SENP1: variants seen among roughly 807,000 people sequenced by gnomAD.
SENP1 encodes SUMO specific peptidase 1.
A neutral mutation model predicts 93.0 loss-of-function variants in SENP1; 21 were observed. That is an observed-to-expected ratio of 0.23 (90% CI 0.16 to 0.33). The LOEUF is 0.33. SENP1 is among the 10% of genes least tolerant of loss of function. The pLI, the probability that SENP1 is intolerant of heterozygous loss-of-function variation, is 1.00. For missense variants in SENP1, 591 were observed against 758.7 expected (o/e 0.78, Z 2.60); for synonymous variants, 256 against 259.6 (o/e 0.99, Z 0.13).
chr12:48,064,367 G>T lies in SENP1; in HGVS notation c.1276-526C>A, dbSNP rs893362204. 2.0e-5 allele frequency among the ~76,000 whole-genome samples: 3 copies of T among 152,020 alleles called. No individual in the cohort carries two copies. In the East Asian group the frequency reaches 5.8e-4, roughly 29 times the overall value. ...CAAAGAGAAGTATGGATAAAGAAACGGATTATCTAAAAATGTACACAGACC... is the reference window on the plus strand; with the variant it reads ...CAAAGAGAAGTATGGATAAAGAAACTGATTATCTAAAAATGTACACAGACC... On this transcript the variant is annotated intron_variant, in intron 12 of 17. Transcript: ENST00000549518.
At chr12:48,098,452 G>A (rs922549987) in intron 2 of SENP1, among the ~76,000 whole-genome samples, 1 of 151,736 alleles carries the variant, frequency 6.6e-6, no homozygotes, top group Non-Finnish European at 1.5e-5. Flanking sequence ...AGACCAGCCT[G>A]GCCAACATGG....
rs748659257 is a variant in SENP1, at chr12:48,066,908, G to T, written c.1034+19C>A. 2.0e-6 allele frequency: 3 copies of T among 1,534,250 alleles called. No homozygotes were observed. Among genetic ancestry groups the T allele is most frequent in the Admixed American group, 1.9e-5 (1 of 51,464 alleles). On this transcript the variant is annotated intron_variant, in intron 10 of 17. Coordinates refer to ENST00000549518, the MANE Select transcript of SENP1 (RefSeq NM_001267594.2). ...AATGAACTGATTGAGAAGGAAAAAT[G>T]ATACCAAAAATAACTTACAATTCTT...
At chr12:48,056,743 C>T (rs190468037) in intron 13 of SENP1, among the ~76,000 whole-genome samples, 1 of 58,356 alleles carries the variant, frequency 1.7e-5, no homozygotes, top group Admixed American at 2.9e-4. Context: ...TAATATATTA[C>T]ATATTACATA....
intron 2 of SENP1, among the ~76,000 whole-genome samples, chr12:48,100,448 T>C (rs1237168444): frequency 6.6e-6 from 1 of 152,068 alleles, no homozygotes; most frequent in Admixed American, 6.5e-5. Context: ...CTGGCCAACA[T>C]GGCGAAACCC....
rs1265434922 is a variant in SENP1, at chr12:48,043,240, G to C, written c.*2082C>G. ...ATATATTTTTCAAAGTGCTTTTGTT[G>C]CATGTTTCATTTTCTGCTATACATG... On this transcript the variant is annotated 3_prime_UTR_variant, in exon 18 of 18. Transcript: ENST00000549518. 6.6e-6 allele frequency: 1 copy of C among 152,584 alleles called. No individual in the cohort carries two copies. Among genetic ancestry groups the C allele is most frequent in the Non-Finnish European group, 1.5e-5 (1 of 68,034 alleles). 9.5% of individuals were successfully genotyped at this position (152,584 alleles called of 1,614,324 possible).
intron 6 of SENP1, among the ~76,000 whole-genome samples, chr12:48,076,396 C>T (rs1318328726): frequency 1.3e-5 from 2 of 152,156 alleles, no homozygotes; most frequent in South Asian, 2.1e-4. Flanking sequence ...GCCATATCGG[C>T]TCACTGCAAC....
intron 4 of SENP1, among the ~76,000 whole-genome samples, chr12:48,093,503 C>T (rs1282381636): frequency 5.3e-5 from 8 of 151,672 alleles, no homozygotes; most frequent in Non-Finnish European, 1.0e-4. Flanking sequence ...AGGCTGGTCT[C>T]GAATGCCTGA....
chr12:48,065,188 A>G lies in SENP1; in HGVS notation c.1152T>C (p.Asp384=). 1 of 1,609,516 alleles carries G rather than the reference A, an allele frequency of 6.2e-7. No individual in the cohort carries two copies. ...GTACACGAAGATGTAGTTCTACTGA[A>G]TCATGTACTGAATGTTCCCGCTCCT... The part of the protein sequence containing the change: ...RLQEREHSVH[D]SVELHLRVPL... Residue 384 remains aspartate, a synonymous_variant, in exon 12 of 18, where the codon GAT becomes GAC. Coordinates refer to ENST00000549518, the MANE Select transcript of SENP1 (RefSeq NM_001267594.2).
At chr12:48,057,978 G>C (rs1172965021) in intron 13 of SENP1, among the ~76,000 whole-genome samples, 1 of 109,846 alleles carries the variant, frequency 9.1e-6, no homozygotes, top group Admixed American at 1.4e-4. Context: ...ATAAAGTCTC[G>C]CTCCATTGCC....
Position 48,063,749 on chromosome 12 carries a change from A to G in SENP1, c.1368T>C (p.Asp456=). The change falls in exon 13 of 18, where the codon GAT becomes GAC. Residue 456 remains aspartate, a synonymous_variant. Transcript: ENST00000549518. The stretch of plus-strand genomic sequence containing the variant: ...AATTCAGATGGTTTAGAGTTTGAAT[A>G]TCTTTGCGTGTAATGGTCAGGCGAA... ...EAFRLTITRK[D]IQTLNHLNWL... 6.2e-7 allele frequency: 1 copy of G among 1,613,416 alleles called. No homozygotes were observed. Among genetic ancestry groups the G allele is most frequent in the South Asian group, 1.1e-5 (1 of 91,036 alleles).
At chr12:48,081,892 T>G (rs557650732) in intron 6 of SENP1, among the ~76,000 whole-genome samples, 23 of 150,224 alleles carry the variant, frequency 1.5e-4, no homozygotes, top group Non-Finnish European at 2.5e-4. Context: ...ACAAACTTTT[T>G]TTGTTGTTGT....
At chr12:48,105,792 C>T (rs1592538269) in intron 1 of SENP1, 1 of 584,120 alleles carries the variant, frequency 1.7e-6, no homozygotes, top group African/African-American at 1.9e-5. Flanking sequence ...GAGAGAGAGA[C>T]CAGAAGGAAC....
At chr12:48,099,452 T>C (rs1268861056) in intron 2 of SENP1, among the ~76,000 whole-genome samples, 5 of 151,926 alleles carry the variant, frequency 3.3e-5, no homozygotes. Flanking sequence ...GGGGAAAAAA[T>C]TCACCATTCA....
At chr12:48,083,320 C>A (rs1944617440) in intron 6 of SENP1, among the ~76,000 whole-genome samples, 1 of 152,168 alleles carries the variant, frequency 6.6e-6, no homozygotes, top group African/African-American at 2.4e-5. Flanking sequence ...GTATGAGAAA[C>A]CATTCAGGCA....
rs1034162902 is a variant in SENP1 at position 48,045,288 on chromosome 12, C to G, written c.*34G>C. ...CTGTAGACAACAAAGAGCTGGTCCC[C>G]CACATGGTCAAGGTCTGCTAAGTGA... On this transcript the variant is annotated 3_prime_UTR_variant, in exon 18 of 18. Coordinates refer to ENST00000549518, the MANE Select transcript of SENP1 (RefSeq NM_001267594.2). The G allele has an allele frequency of 5.0e-6, 8 of 1,587,704 alleles. No homozygotes were observed. In the East Asian group the frequency reaches 1.8e-4, roughly 36 times the overall value.
intron 13 of SENP1, chr12:48,055,002 T>C (rs545123746): frequency 4.0e-4 from 89 of 224,704 alleles, no homozygotes; most frequent in African/African-American, 2.0e-3. Flanking sequence ...TGCTGCCCTC[T>C]TGGGTGTAGG....
At chr12:48,088,743 A>G in intron 5 of SENP1, 58 bp downstream of exon 5, 1 of 1,481,902 alleles carries the variant, frequency 6.7e-7, no homozygotes, top group Non-Finnish European at 9.3e-7. Context: ...TCTACCTTTT[A>G]GTCACTTTCT....
intron 13 of SENP1, among the ~76,000 whole-genome samples, chr12:48,057,674 G>A (rs189701664): frequency 1.1e-3 from 162 of 150,238 alleles, no homozygotes; most frequent in Middle Eastern, 3.4e-3. Flanking sequence ...ACAGTGGCGC[G>A]ATCTCAGCTC....
chr12:48,101,322 G>A, intron 2 of SENP1, 147 bp downstream of exon 2: 2 of 663,922 alleles, frequency 3.0e-6, no homozygotes, highest in Non-Finnish European at 5.1e-6. Flanking sequence ...TTGGTATATA[G>A]TATTACATAA....
Sources: allele counts gnomAD v4.1 joint callset (sites outside exome capture counted in the v4.1 genomes callset), GRCh38; gene constraint gnomAD v4.1.1; transcripts MANE v1.5; gene names NCBI Gene and HGNC (gene_info 2026-07-23, HGNC 2026-07-21).